Variants in UNC5C observed in about 807,000 individuals in gnomAD.
UNC5C encodes the protein netrin receptor UNC5C.
Under a neutral mutation model 99.8 loss-of-function variants are expected in UNC5C, and 47 were observed. The observed-to-expected ratio is 0.47, with a 90% CI of 0.37 to 0.60. UNC5C has a LOEUF of 0.60. Ranked by LOEUF, UNC5C falls within the 20% of genes least tolerant of loss-of-function variation. UNC5C has a pLI of 0.00. For missense variants in UNC5C, 1,062 were observed against 1,165.9 expected, an observed-to-expected ratio of 0.91 and a Z score of 1.30; for synonymous variants, 487 against 452.2, an observed-to-expected ratio of 1.08 and a Z score of -0.98.
intron 1 of UNC5C, among the ~76,000 whole-genome samples, chr4:95,491,591 C>T (rs549071333): frequency 5.3e-5 from 8 of 151,532 alleles, no homozygotes; most frequent in Non-Finnish European, 1.2e-4. Flanking sequence ...TTCCTTCACC[C>T]GCTAGTGAAC....
rs1735878636 is a variant in UNC5C, at chr4:95,166,922, G to A, written c.*2312C>T. 1 of 151,488 alleles carries A rather than the reference G, an allele frequency of 6.6e-6. No individual in the cohort carries two copies. Among genetic ancestry groups the A allele is most frequent in the Admixed American group, 6.6e-5 (1 of 15,230 alleles). The allele number at this position is 151,488 out of a possible 1,614,324, so 9.4% of individuals were successfully genotyped here. On this transcript the variant is annotated 3_prime_UTR_variant, in exon 16 of 16. Coordinates refer to ENST00000453304, the MANE Select transcript of UNC5C (RefSeq NM_003728.4). ...GTGCAATCTCTCCCTTCCCCAGTCA[G>A]TGTACAAATATTTTAAATATGGAAA...
chr4:95,472,418 A>G (rs1017369376), intron 1 of UNC5C, among the ~76,000 whole-genome samples: 1 of 152,166 alleles, frequency 6.6e-6, no homozygotes, highest in African/African-American at 2.4e-5. Flanking sequence ...AGGAATACTC[A>G]TCTTTCAACT....
intron 1 of UNC5C, among the ~76,000 whole-genome samples, chr4:95,517,997 G>T (rs753781465): frequency 1.3e-5 from 2 of 152,118 alleles, no homozygotes; most frequent in Non-Finnish European, 2.9e-5. Flanking sequence ...AGACGTTAGA[G>T]ACTGCATTAA....
rs192625621 is a variant in UNC5C at position 95,536,556 on chromosome 4, A to C, written c.124+12178T>G. Among the ~76,000 whole-genome samples the C allele has an allele frequency of 2.2e-3, 332 of 152,350 alleles. 3 individuals carry two copies. Among genetic ancestry groups the C allele is most frequent in the African/African-American group, 7.8e-3 (323 of 41,582 alleles). On this transcript the variant is annotated intron_variant, in intron 1 of 15. Coordinates refer to ENST00000453304, the MANE Select transcript of UNC5C (RefSeq NM_003728.4). Reference sequence around the variant, plus strand: ...CTGGCATCATCTTGTTATTTTCAACATAATTCAGTTTCATAATACTAGTTC... The same window carrying C: ...CTGGCATCATCTTGTTATTTTCAACCTAATTCAGTTTCATAATACTAGTTC...
At chr4:95,265,224 T>C (rs543610047) in intron 4 of UNC5C, among the ~76,000 whole-genome samples, 60 of 152,332 alleles carry the variant, frequency 3.9e-4, no homozygotes, top group South Asian at 8.3e-4. Flanking sequence ...GTCCCAACTT[T>C]TCTTAAGCTC....
chr4:95,337,408 C>T (rs1273780527), intron 1 of UNC5C, among the ~76,000 whole-genome samples: 1 of 151,780 alleles, frequency 6.6e-6, no homozygotes, highest in Non-Finnish European at 1.5e-5. Context: ...AATAATATAG[C>T]AAAAGTATTT....
chr4:95,432,951 C>T (rs1164604672), intron 1 of UNC5C, among the ~76,000 whole-genome samples: 1 of 152,138 alleles, frequency 6.6e-6, no homozygotes, highest in African/African-American at 2.4e-5. Context: ...TACACTGAGA[C>T]TCTTGGGTAC....
intron 4 of UNC5C, among the ~76,000 whole-genome samples, chr4:95,273,277 T>C (rs1473246770): frequency 1.8e-4 from 27 of 152,178 alleles, no homozygotes; most frequent in Non-Finnish European, 1.5e-5. Flanking sequence ...ATTATCCCCT[T>C]GTTAAAGGTG....
At chr4:95,501,286 T>C (rs571131947) in intron 1 of UNC5C, among the ~76,000 whole-genome samples, 2 of 152,238 alleles carry the variant, frequency 1.3e-5, no homozygotes, top group South Asian at 4.1e-4. Context: ...GCATTTTTTT[T>C]ATTGGCTCAG....
At chr4:95,176,810 T>A (rs12502862) in intron 14 of UNC5C, among the ~76,000 whole-genome samples, 1 of 152,158 alleles carries the variant, frequency 6.6e-6, no homozygotes, top group African/African-American at 2.4e-5. Context: ...CCTAAGCAAG[T>A]CTGGGCAATG....
intron 7 of UNC5C, among the ~76,000 whole-genome samples, chr4:95,225,750 C>A (rs1230803013): frequency 6.6e-6 from 1 of 152,134 alleles, no homozygotes; most frequent in East Asian, 1.9e-4. Context: ...AAATTTAAAA[C>A]AGACCAGTAT....
chr4:95,523,241 G>T (rs912890109), intron 1 of UNC5C, among the ~76,000 whole-genome samples: 3 of 152,186 alleles, frequency 2.0e-5, no homozygotes, highest in Non-Finnish European at 4.4e-5. Context: ...ACCAGGCAAA[G>T]CAGCTCTTGC....
chr4:95,400,216 T>G (rs571331834), intron 1 of UNC5C, among the ~76,000 whole-genome samples: 33 of 152,156 alleles, frequency 2.2e-4, no homozygotes, highest in African/African-American at 7.7e-4. Context: ...TGACATAATG[T>G]CTTTCCCATC....
At chr4:95,542,945 A>C (rs1422354890) in intron 1 of UNC5C, among the ~76,000 whole-genome samples, 3 of 152,142 alleles carry the variant, frequency 2.0e-5, no homozygotes, top group Non-Finnish European at 1.5e-5. Flanking sequence ...CCCATTACTA[A>C]GTTTCTTTTT....
chr4:95,242,985 A>G (rs1432989212), intron 6 of UNC5C, among the ~76,000 whole-genome samples: 3 of 152,174 alleles, frequency 2.0e-5, no homozygotes, highest in Non-Finnish European at 4.4e-5. Context: ...GGCCATGTGG[A>G]CAGTGAAAGT....
At chr4:95,477,736 AAAAGCAGGATTT>A (rs376566391) in intron 1 of UNC5C, among the ~76,000 whole-genome samples, 1 of 152,112 alleles carries the variant, frequency 6.6e-6, no homozygotes, top group African/African-American at 2.4e-5. Flanking sequence ...TGTGCGTGTA[AAAAGCAGGATTT>A]TCATGAAGAG....
intron 1 of UNC5C, among the ~76,000 whole-genome samples, chr4:95,474,160 T>C (rs147520864): frequency 1.4e-4 from 21 of 152,250 alleles, no homozygotes; most frequent in Middle Eastern, 6.8e-3. Flanking sequence ...TGCACAAAAA[T>C]GTGATTGCAT....
chr4:95,440,776 GA>G, intron 1 of UNC5C, among the ~76,000 whole-genome samples: 1 of 152,212 alleles, frequency 6.6e-6, no homozygotes, highest in African/African-American at 2.4e-5. Context: ...GAAACTCGGT[GA>G]AATTTAAAAA....
At chr4:95,337,111 T>C (rs1743380961) in intron 1 of UNC5C, among the ~76,000 whole-genome samples, 1 of 151,954 alleles carries the variant, frequency 6.6e-6, no homozygotes, top group Non-Finnish European at 1.5e-5. Flanking sequence ...CTTACTGTTA[T>C]ATGTGATGAT....
Sources: allele counts gnomAD v4.1 joint callset (sites outside exome capture counted in the v4.1 genomes callset), GRCh38; gene constraint gnomAD v4.1.1; transcripts MANE v1.5; gene names NCBI Gene and HGNC (gene_info 2026-07-23, HGNC 2026-07-21).